Variants in CARS1 observed in about 807,000 individuals in gnomAD.
CARS1 encodes the protein cysteine--tRNA ligase, cytoplasmic.
Under a neutral mutation model 106.2 loss-of-function variants are expected in CARS1, and 48 were observed. That is an observed-to-expected ratio of 0.45 (90% confidence interval 0.36 to 0.57). The LOEUF (loss-of-function observed/expected upper bound fraction) is 0.57. Ranked by LOEUF, CARS1 falls within the 20% of genes least tolerant of loss-of-function variation. The pLI, the probability that CARS1 is intolerant of heterozygous loss-of-function variation, is 0.00. For synonymous variants in CARS1, 409 were observed against 403.4 expected (o/e 1.01, Z -0.17); for missense variants, 968 against 1,057.2 (o/e 0.92, Z 1.17).
rs2134101531 is a variant in CARS1, at chr11:3,008,803, A to T, written c.2069-1844T>A. ...TCCTCAGCCACCTGAGGAGCAGCTG[A>T]CTGGGGCATGAGCTGAGGTAGGTGC... is the stretch of plus-strand genomic sequence containing the variant. On this transcript the variant is annotated intron_variant, in intron 18 of 22. Transcript: ENST00000380525. The surrounding 1 kb of genome is among the most constrained non-coding windows in gnomAD (Gnocchi z 5.1). 6.6e-6 allele frequency: 1 copy of T among 152,172 alleles called. No individual in the cohort carries two copies. Among genetic ancestry groups the T allele is most frequent in the African/African-American group, 2.4e-5 (1 of 41,502 alleles). The allele number at this position is 152,172 out of a possible 1,614,324, so 9.4% of individuals were successfully genotyped here. A position where few individuals can be genotyped will look rare whatever the true frequency, so the allele number is the denominator to read the frequency against.
chr11:3,031,127 A>G (rs1314682915), intron 7 of CARS1: 1 of 152,232 alleles, frequency 6.6e-6, no homozygotes, highest in East Asian at 1.9e-4. Context: ...CCATGCAACA[A>G]TCCAGCCCCG....
At chr11:3,023,386 A>G (rs1196321676) in intron 10 of CARS1, among the ~76,000 whole-genome samples, 2 of 152,184 alleles carry the variant, frequency 1.3e-5, no homozygotes, top group Non-Finnish European at 2.9e-5. Flanking sequence ...ATTCAAACAT[A>G]CATACATACA....
At chr11:3,002,732 C>T in intron 20 of CARS1, 132 bp from the exon 21 acceptor site, 5 of 1,452,616 alleles carry the variant, frequency 3.4e-6, no homozygotes, top group Non-Finnish European at 3.7e-6. Context: ...ACCAGGCCCT[C>T]CCCACTGTGG....
chr11:3,003,457 T>C lies in CARS1; in HGVS notation c.2218-857A>G, dbSNP rs1849578175. The stretch of plus-strand genomic sequence containing the variant: ...CAGAGGCTTCCTGGCCCAGTGGAGC[T>C]ATCAGGTAGGCAGCTGGGCAAACTG... On this transcript the variant is annotated intron_variant, in intron 20 of 22. Transcript: ENST00000380525. This position sits in a 1 kb window ranked among gnomAD's most constrained non-coding sequence, Gnocchi z 4.8. Among the ~76,000 whole-genome samples the C allele has an allele frequency of 6.6e-6, 1 of 152,150 alleles. No homozygotes were observed. Among genetic ancestry groups the C allele is most frequent in the Non-Finnish European group, 1.5e-5 (1 of 68,020 alleles).
In CARS1 at chr11:3,015,636, C is replaced by T. The variant is rs749991564; in HGVS notation, c.1986+145G>A. The T allele has an allele frequency of 5.6e-6, 4 of 716,114 alleles. No homozygotes were observed. In the Admixed American group the frequency reaches 6.4e-5, roughly 11 times the overall value. 44.4% of individuals were successfully genotyped at this position (716,114 alleles called of 1,614,324 possible). ...CTGACCACACTTAGCACTCTCAGAG[C>T]CAGAATTGCCATTTAGCTCGAGGCG... On this transcript the variant is annotated intron_variant, in intron 17 of 22. Transcript: ENST00000380525.
intron 1 of CARS1, among the ~76,000 whole-genome samples, chr11:3,051,767 G>A (rs547910809): frequency 2.4e-4 from 36 of 152,268 alleles, no homozygotes; most frequent in Admixed American, 2.3e-3. Context: ...GTTCCCCAAT[G>A]CTGACCCTCC....
chr11:3,029,672 C>G lies in CARS1; in HGVS notation c.802-229G>C. On this transcript the variant is annotated intron_variant, in intron 7 of 22. Coordinates refer to ENST00000380525, the MANE Select transcript of CARS1 (RefSeq NM_001014437.3). This position sits in a 1 kb window ranked among gnomAD's most constrained non-coding sequence, Gnocchi z 5.9. ...CTCACATGAACTCAGAGGAGCAAAGCCAAGGGGACTGTGGGTGCAGAGGCA... is the reference window on the plus strand; with the variant it reads ...CTCACATGAACTCAGAGGAGCAAAGGCAAGGGGACTGTGGGTGCAGAGGCA... The G allele has an allele frequency of 1.8e-6, 1 of 543,290 alleles. No individual in the cohort carries two copies. The allele number at this position is 543,290 out of a possible 1,614,324, so 33.7% of individuals were successfully genotyped here.
At chr11:3,036,207 G>T (rs570162357) in intron 7 of CARS1, among the ~76,000 whole-genome samples, 63 of 152,352 alleles carry the variant, frequency 4.1e-4, no homozygotes, top group Admixed American at 1.2e-3. Flanking sequence ...CTGAGCTTCT[G>T]CTCCTCGCTG....
Position 3,047,860 on chromosome 11 carries a change from GC to G in CARS1, c.166del (p.Ala56ProfsTer18), listed in dbSNP as rs1468608636. ...ADVDAFRQLSAPPADPQLFHV... is the reference protein window; with the variant it reads ...ADVDAFRQLSXPPADPQLFHV... The stretch of plus-strand genomic sequence containing the variant: ...GAAGAGCTGGGGGTCAGCGGGCGGG[GC>G]CGAGAGCTGCCTGAACGCGTCCACG... On this transcript the variant is annotated frameshift_variant, in exon 2 of 23. Transcript: ENST00000380525. LOFTEE classifies it high-confidence loss of function. The G allele has an allele frequency of 1.2e-5, 20 of 1,614,084 alleles. No homozygotes were observed. The highest frequency in any genetic ancestry group is 1.7e-5 in the Admixed American group (1 of 60,016).
rs932906975 is a variant in CARS1, at chr11:3,019,078, C to G, written c.1395+61G>C. 2.7e-6 allele frequency: 4 copies of G among 1,486,562 alleles called. No individual in the cohort carries two copies. The highest frequency in any genetic ancestry group is 3.6e-6 in the Non-Finnish European group (4 of 1,117,646). 92.1% of individuals were successfully genotyped at this position (1,486,562 alleles called of 1,614,324 possible). ...CTTCTGAGGCCTGGGCTGACTTTTC[C>G]TCCACTGCAGTATGAACACTGTGCT... On this transcript the variant is annotated intron_variant, in intron 12 of 22. Coordinates refer to ENST00000380525, the MANE Select transcript of CARS1 (RefSeq NM_001014437.3). This position sits in a 1 kb window ranked among gnomAD's most constrained non-coding sequence, Gnocchi z 6.2.
At chr11:3,012,467 C>T (rs1019126480) in intron 17 of CARS1, among the ~76,000 whole-genome samples, 191 bp from the exon 18 acceptor site, 3 of 152,210 alleles carry the variant, frequency 2.0e-5, no homozygotes, top group African/African-American at 4.8e-5. Flanking sequence ...GCTAGGTGTG[C>T]GAGTCACACA....
chr11:3,026,908 C>A, intron 9 of CARS1, 111 bp from the exon 10 acceptor site: 1 of 1,239,262 alleles, frequency 8.1e-7, no homozygotes, highest in Non-Finnish European at 1.1e-6. Context: ...AATCTGTGGC[C>A]TATCTACTCT....
In CARS1 at chr11:3,050,640, G is replaced by T. The variant is rs1452906262; in HGVS notation, c.26-2639C>A. Among the ~76,000 whole-genome samples, 1 of 152,186 alleles carries T rather than the reference G, an allele frequency of 6.6e-6. No individual in the cohort carries two copies. The highest frequency in any genetic ancestry group is 1.5e-5 in the Non-Finnish European group (1 of 68,020). Reference sequence around the variant, plus strand: ...CCCACCTCGCCAGCAGCACAAGCCTGTCCTCATGCTGGCCATGGGCCCCCA... The same window carrying T: ...CCCACCTCGCCAGCAGCACAAGCCTTTCCTCATGCTGGCCATGGGCCCCCA... On this transcript the variant is annotated intron_variant, in intron 1 of 22. Coordinates refer to ENST00000380525, the MANE Select transcript of CARS1 (RefSeq NM_001014437.3). The surrounding 1 kb of genome is among the most constrained non-coding windows in gnomAD (Gnocchi z 6.3).
Position 3,001,041 on chromosome 11 carries a change from G to C in CARS1, c.*73C>G. 2.0e-6 allele frequency: 3 copies of C among 1,531,854 alleles called. No individual in the cohort carries two copies. The South Asian group carries it at 3.4e-5, about 17-fold the overall frequency. 94.9% of individuals were successfully genotyped at this position (1,531,854 alleles called of 1,614,324 possible). A position where few individuals can be genotyped will look rare whatever the true frequency, so the allele number is the denominator to read the frequency against. ...GGGTGACTGTAAACATGATAGGAGC[G>C]CTGGGACATTGTCACTGAGGCAGAC... is the stretch of plus-strand genomic sequence containing the variant. On this transcript the variant is annotated 3_prime_UTR_variant, in exon 23 of 23. Coordinates refer to ENST00000380525, the MANE Select transcript of CARS1 (RefSeq NM_001014437.3).
chr11:3,023,381 A>AACATACAT (rs539702382), intron 10 of CARS1, among the ~76,000 whole-genome samples: 5 of 152,234 alleles, frequency 3.3e-5, no homozygotes, highest in Admixed American at 6.5e-5. Context: ...TTGTTATTCA[A>AACATACAT]ACATACATAC....
At chr11:3,047,679 A>C (rs1855239969) in intron 2 of CARS1, 74 bp downstream of exon 2, 2 of 1,533,748 alleles carry the variant, frequency 1.3e-6, no homozygotes, top group Admixed American at 4.0e-5. Flanking sequence ...CCAGGTAAGC[A>C]CCAGGGTGAT....
Position 3,017,531 on chromosome 11 carries a change from T to C in CARS1, c.1728-236A>G. Reference sequence around the variant, plus strand: ...GGTGGCGCATGCCTGTAACCCCAGCTACTCGGGAGGCTGAGGCAGGAGAAT... The same window carrying C: ...GGTGGCGCATGCCTGTAACCCCAGCCACTCGGGAGGCTGAGGCAGGAGAAT... On this transcript the variant is annotated intron_variant, in intron 15 of 22. Transcript: ENST00000380525. This position sits in a 1 kb window ranked among gnomAD's most constrained non-coding sequence, Gnocchi z 4.9. The C allele has an allele frequency of 1.8e-6, 1 of 560,268 alleles. No homozygotes were observed. Among genetic ancestry groups the C allele is most frequent in the East Asian group, 2.9e-5 (1 of 34,476 alleles). The allele number at this position is 560,268 out of a possible 1,614,324, so 34.7% of individuals were successfully genotyped here.
intron 1 of CARS1, among the ~76,000 whole-genome samples, chr11:3,051,943 CCT>C (rs1855733452): frequency 1.3e-5 from 2 of 152,220 alleles, no homozygotes; most frequent in South Asian, 4.1e-4. Context: ...CAGTCACGTG[CCT>C]CTCACACTCA....
At position 3,037,636 on chromosome 11, in the gene CARS1, A is replaced by G. The variant is rs901715587; in HGVS notation, c.801+414T>C. 7.2e-5 allele frequency among the ~76,000 whole-genome samples: 11 copies of G among 152,304 alleles called. No individual in the cohort carries two copies. Among genetic ancestry groups the G allele is most frequent in the African/African-American group, 2.6e-4 (11 of 41,584 alleles). ...TCAACGTGAAGGCCCCAAGCTCAGT[A>G]GGTACCCACAGGCCTCAATGCTCAA... On this transcript the variant is annotated intron_variant, in intron 7 of 22. Transcript: ENST00000380525. The surrounding 1 kb of genome is among the most constrained non-coding windows in gnomAD (Gnocchi z 5.9).
Sources: gnomAD v4.1 joint callset for allele counts (sites outside exome capture counted in the v4.1 genomes callset) on GRCh38, gnomAD v4.1.1 for gene constraint, Gnocchi (gnomAD v3.1) non-coding constraint, MANE v1.5 for transcripts, NCBI Gene and HGNC (gene_info 2026-07-23, HGNC 2026-07-21) for gene names.